Variants in AUTS2 observed in about 807,000 individuals in gnomAD.
AUTS2 encodes the protein activator of transcription and developmental regulator AUTS2, also known as autism susceptibility gene 2 protein.
AUTS2 carries 17 observed loss-of-function variants against 112.4 expected under a neutral mutation model. That is an observed-to-expected ratio of 0.15 (90% CI 0.10 to 0.23). The LOEUF (loss-of-function observed/expected upper bound fraction) is 0.23. AUTS2 is among the 10% of genes least tolerant of loss of function. The pLI is 1.00. For synonymous variants in AUTS2, 751 were observed against 702.7 expected (o/e 1.07, Z -1.09); for missense variants, 1,510 against 1,701.6 (o/e 0.89, Z 1.98).
At chr7:70,160,679 T>C (rs987206870) in intron 4 of AUTS2, among the ~76,000 whole-genome samples, 1 of 152,212 alleles carries the variant, frequency 6.6e-6, no homozygotes, top group Non-Finnish European at 1.5e-5. Context: ...TGTCAGACAC[T>C]GTGCTTCCAT....
At chr7:70,772,651 G>A (rs1381532058) in intron 11 of AUTS2, among the ~76,000 whole-genome samples, 1 of 152,222 alleles carries the variant, frequency 6.6e-6, no homozygotes, top group Non-Finnish European at 1.5e-5. Context: ...AGGCATTAGA[G>A]GTGGGGTCCC....
chr7:70,366,788 G>A (rs1792590537), intron 4 of AUTS2, among the ~76,000 whole-genome samples: 1 of 152,140 alleles, frequency 6.6e-6, no homozygotes, highest in Non-Finnish European at 1.5e-5. Context: ...AGGAGAGGAG[G>A]TAAGGGTAAT....
At chr7:70,024,469 G>A (rs917814606) in intron 2 of AUTS2, among the ~76,000 whole-genome samples, 1 of 151,974 alleles carries the variant, frequency 6.6e-6, no homozygotes, top group African/African-American at 2.4e-5. Flanking sequence ...AGTTATACTG[G>A]GACTTGACCA....
chr7:70,376,685 G>C (rs1193332696), intron 4 of AUTS2, among the ~76,000 whole-genome samples: 1 of 150,560 alleles, frequency 6.6e-6, no homozygotes, highest in African/African-American at 2.4e-5. Flanking sequence ...AGGGGTAAAT[G>C]CTGTCTCTAA....
intron 4 of AUTS2, among the ~76,000 whole-genome samples, chr7:70,320,787 G>C (rs966659371): frequency 1.3e-5 from 2 of 152,210 alleles, no homozygotes; most frequent in Non-Finnish European, 2.9e-5. Context: ...AGAGGTGGAA[G>C]GGCAGTTTTG....
At chr7:69,870,470 T>TA (rs1793441560) in intron 1 of AUTS2, among the ~76,000 whole-genome samples, 3 of 140,610 alleles carry the variant, frequency 2.1e-5, no homozygotes, top group Admixed American at 7.2e-5. Flanking sequence ...TATATATGTA[T>TA]TCACGTTATA....
chr7:70,471,576 A>G (rs1203706286), intron 5 of AUTS2, among the ~76,000 whole-genome samples: 2 of 152,128 alleles, frequency 1.3e-5, no homozygotes, highest in Admixed American at 6.6e-5. Context: ...ATTAGGCACT[A>G]TTATAGGCGC....
intron 4 of AUTS2, among the ~76,000 whole-genome samples, chr7:70,342,938 T>C (rs1225402036): frequency 1.3e-5 from 2 of 152,158 alleles, no homozygotes; most frequent in African/African-American, 4.8e-5. Context: ...CCTTGTAGTT[T>C]TTTAAAGAGC....
intron 2 of AUTS2, among the ~76,000 whole-genome samples, chr7:70,042,473 AT>A (rs982723544): frequency 1.3e-5 from 2 of 152,074 alleles, no homozygotes; most frequent in Non-Finnish European, 2.9e-5. Flanking sequence ...ACTGTTTCCA[AT>A]TTTTTCCTCA....
chr7:69,624,354 A>G (rs1436672944), intron 1 of AUTS2, among the ~76,000 whole-genome samples: 1 of 152,200 alleles, frequency 6.6e-6, no homozygotes. Context: ...TTTTAAAAAA[A>G]GTTCCTTCCT....
At chr7:70,507,550 A>C (rs1026310603) in intron 5 of AUTS2, among the ~76,000 whole-genome samples, 1 of 152,112 alleles carries the variant, frequency 6.6e-6, no homozygotes, top group Non-Finnish European at 1.5e-5. Context: ...TAATCCCAGC[A>C]CTTTGGGAGA....
At chr7:70,291,174 C>T (rs988113168) in intron 4 of AUTS2, 5 of 152,114 alleles carry the variant, frequency 3.3e-5, no homozygotes, top group Admixed American at 6.5e-5. Context: ...AGAACAAAAA[C>T]GTACTTGGCG....
chr7:69,747,968 A>G (rs10266014), intron 1 of AUTS2, among the ~76,000 whole-genome samples: 3 of 151,702 alleles, frequency 2.0e-5, no homozygotes, highest in African/African-American at 4.8e-5. Context: ...TTAGCATTGT[A>G]TTTTTTTTCC....
intron 5 of AUTS2, among the ~76,000 whole-genome samples, chr7:70,488,200 A>T (rs1378889993): frequency 6.6e-6 from 1 of 152,166 alleles, no homozygotes; most frequent in African/African-American, 2.4e-5. Flanking sequence ...GTCGCTTCAT[A>T]AGCCCTCGTG....
chr7:70,790,313 C>A lies in AUTS2; in HGVS notation c.3097C>A (p.Pro1033Thr), dbSNP rs756973112. 1 of 1,613,696 alleles carries A rather than the reference C, an allele frequency of 6.2e-7. No individual in the cohort carries two copies. The highest frequency in any genetic ancestry group is 1.1e-5 in the South Asian group (1 of 91,070). Residue 1033 changes from proline (P) to threonine (T), a missense_variant, in exon 19 of 19, where the codon CCC becomes ACC. Pro to Thr is a conservative substitution (Grantham distance 38). Coordinates refer to ENST00000342771, the MANE Select transcript of AUTS2 (RefSeq NM_015570.4). This position sits in a 1 kb window ranked among gnomAD's most constrained non-coding sequence, Gnocchi z 7.6. ...PMTVGVTGIH[P>T]MNSISSLDRT... ...GACGGTGGGGGTGACGGGCATTCAC[C>A]CCATGAACAGCATCAGCAGCCTGGA...
At chr7:70,642,428 AT>A (rs1225144096) in intron 5 of AUTS2, among the ~76,000 whole-genome samples, 2 of 152,106 alleles carry the variant, frequency 1.3e-5, no homozygotes, top group African/African-American at 4.8e-5. Flanking sequence ...GTGTTCTTTT[AT>A]TAGCTTCATA....
intron 4 of AUTS2, among the ~76,000 whole-genome samples, chr7:70,135,856 G>A (rs1346329196): frequency 6.6e-6 from 1 of 152,140 alleles, no homozygotes; most frequent in African/African-American, 2.4e-5. Flanking sequence ...CTTCACACCA[G>A]GCTGGATGTA....
At chr7:70,740,960 G>A (rs890953098) in intron 6 of AUTS2, among the ~76,000 whole-genome samples, 3 of 152,102 alleles carry the variant, frequency 2.0e-5, no homozygotes, top group Admixed American at 2.0e-4. Context: ...CGGGCATGGT[G>A]GCATGTACCA....
intron 2 of AUTS2, among the ~76,000 whole-genome samples, chr7:70,071,434 C>T (rs1175920882): frequency 1.3e-4 from 20 of 152,166 alleles, no homozygotes; most frequent in Admixed American, 1.3e-3. Context: ...TGTAATAGTT[C>T]TTGATTGTTC....
Sources: gnomAD v4.1 joint callset for allele counts (sites outside exome capture counted in the v4.1 genomes callset) on GRCh38, gnomAD v4.1.1 for gene constraint, Gnocchi (gnomAD v3.1) non-coding constraint, MANE v1.5 for transcripts, NCBI Gene and HGNC (gene_info 2026-07-23, HGNC 2026-07-21) for gene names.